TTC27: variants seen among roughly 807,000 people sequenced by gnomAD.
TTC27 encodes tetratricopeptide repeat domain 27, also known as tetratricopeptide repeat protein 27.
Under a neutral mutation model 115.9 loss-of-function variants are expected in TTC27, and 79 were observed. The observed-to-expected ratio is 0.68, with a 90% CI of 0.57 to 0.82. The LOEUF is 0.82. TTC27 is among the 40% of genes least tolerant of loss of function. The pLI is 0.00. For synonymous variants in TTC27, 401 were observed against 356.0 expected, an observed-to-expected ratio of 1.13 and a Z score of -1.42; for missense variants, 1,054 against 993.1, an observed-to-expected ratio of 1.06 and a Z score of -0.82.
intron 16 of TTC27, among the ~76,000 whole-genome samples, chr2:32,806,774 G>T (rs964972580): frequency 1.3e-5 from 2 of 151,198 alleles, no homozygotes; most frequent in Non-Finnish European, 2.9e-5. Flanking sequence ...GCGAGACTTT[G>T]TCTCAAAGAA....
At chr2:32,648,248 C>G (rs1664942047) in intron 4 of TTC27, among the ~76,000 whole-genome samples, 1 of 151,842 alleles carries the variant, frequency 6.6e-6, no homozygotes, top group Admixed American at 6.6e-5. Context: ...CTGCTTCAAC[C>G]TCCCGAGTAG....
intron 10 of TTC27, among the ~76,000 whole-genome samples, chr2:32,729,033 C>T (rs1209402841): frequency 6.6e-6 from 1 of 152,008 alleles, no homozygotes. Context: ...ACAAAGATTG[C>T]ACAGCAAAGC....
chr2:32,631,148 C>T (rs749451749), intron 2 of TTC27, among the ~76,000 whole-genome samples: 2 of 151,996 alleles, frequency 1.3e-5, no homozygotes, highest in Admixed American at 6.6e-5. Context: ...TACAAAAATA[C>T]AAAAATTAGC....
intron 16 of TTC27, among the ~76,000 whole-genome samples, chr2:32,794,468 A>T (rs1358666100): frequency 2.0e-5 from 3 of 152,220 alleles, no homozygotes; most frequent in East Asian, 1.9e-4. Context: ...GAAGAAATTT[A>T]TAACTCTAAA....
At chr2:32,705,240 T>C (rs1396122044) in intron 10 of TTC27, among the ~76,000 whole-genome samples, 2 of 152,136 alleles carry the variant, frequency 1.3e-5, no homozygotes, top group Non-Finnish European at 2.9e-5. Context: ...TTGCTTCCCT[T>C]CCCTTCTGCC....
chr2:32,715,444 G>A (rs983540017), intron 10 of TTC27, among the ~76,000 whole-genome samples: 18 of 152,146 alleles, frequency 1.2e-4, no homozygotes, highest in African/African-American at 4.1e-4. Context: ...TCTGTTTTTT[G>A]TACCAGTACC....
intron 7 of TTC27, among the ~76,000 whole-genome samples, chr2:32,671,989 T>C (rs564935712): frequency 2.6e-5 from 4 of 152,334 alleles, no homozygotes; most frequent in Admixed American, 1.3e-4. Context: ...AAAATGTATA[T>C]AAAATTATCT....
intron 9 of TTC27, among the ~76,000 whole-genome samples, chr2:32,690,665 G>T (rs1266445057): frequency 6.6e-6 from 1 of 152,168 alleles, no homozygotes; most frequent in Non-Finnish European, 1.5e-5. Flanking sequence ...TTTGTTGAGG[G>T]TAATAGTGAG....
At chr2:32,643,339 T>C (rs1405622925) in intron 4 of TTC27, among the ~76,000 whole-genome samples, 1 of 151,940 alleles carries the variant, frequency 6.6e-6, no homozygotes, top group African/African-American at 2.4e-5. Context: ...AGAGTCTCAC[T>C]CTGTTGCCCA....
At chr2:32,692,036 G>GTTTTTTTTTTTTTTT (rs779547700) in intron 9 of TTC27, among the ~76,000 whole-genome samples, 971 of 61,202 alleles carry the variant, frequency 0.016, 198 homozygotes, top group Non-Finnish European at 0.022. Context: ...AATTTTTTAG[G>GTTTTTTTTTTTTTTT]TTTTTTTTTT....
intron 3 of TTC27, among the ~76,000 whole-genome samples, chr2:32,636,834 A>G (rs1450487191): frequency 6.6e-6 from 1 of 152,244 alleles, no homozygotes; most frequent in Non-Finnish European, 1.5e-5. Context: ...ACCTTGAGCT[A>G]GAACCTGAAG....
At chr2:32,749,654 C>A (rs1033784878) in intron 12 of TTC27, among the ~76,000 whole-genome samples, 10 of 152,180 alleles carry the variant, frequency 6.6e-5, no homozygotes, top group African/African-American at 2.2e-4. Flanking sequence ...TTGCTACTGT[C>A]TGCCTGTGGA....
rs150146554 is a variant in TTC27 at position 32,814,675 on chromosome 2, C to T, written c.2308+2060C>T. 1.6e-4 allele frequency among the ~76,000 whole-genome samples: 24 copies of T among 152,284 alleles called. 1 individual carries two copies. The East Asian group carries it at 4.4e-3, about 28-fold the overall frequency. On this transcript the variant is annotated intron_variant, in intron 18 of 19. Coordinates refer to ENST00000317907, the MANE Select transcript of TTC27 (RefSeq NM_017735.5). ...AAACCATATTTTTACTGTACCTTCCCAATGTTTAGATAGACAAATACTTAC... is the reference window on the plus strand; with the variant it reads ...AAACCATATTTTTACTGTACCTTCCTAATGTTTAGATAGACAAATACTTAC...
At position 32,713,164 on chromosome 2, in the gene TTC27, T is replaced by G. The variant is rs1234633105; in HGVS notation, c.1233+10244T>G. ...GATGCTGGCCCTTCCATCTTAGACT[T>G]CCCCGTCTCCAGAACTATAAGAAAT... On this transcript the variant is annotated intron_variant, in intron 10 of 19. Transcript: ENST00000317907. 2.0e-5 allele frequency among the ~76,000 whole-genome samples: 3 copies of G among 152,058 alleles called. No homozygotes were observed. In the South Asian group the frequency reaches 6.2e-4, roughly 32 times the overall value.
intron 10 of TTC27, among the ~76,000 whole-genome samples, chr2:32,709,508 A>G (rs1385682766): frequency 1.3e-5 from 2 of 152,226 alleles, no homozygotes; most frequent in Admixed American, 6.5e-5. Flanking sequence ...TAAACACAAA[A>G]TTCATGTTAC....
intron 9 of TTC27, among the ~76,000 whole-genome samples, chr2:32,693,961 A>G (rs954289385): frequency 3.3e-5 from 5 of 152,256 alleles, no homozygotes; most frequent in South Asian, 2.1e-4. Flanking sequence ...AAAATGAACA[A>G]CAAAACAGCA....
At chr2:32,645,809 CG>C (rs1343350694) in intron 4 of TTC27, among the ~76,000 whole-genome samples, 6 of 149,846 alleles carry the variant, frequency 4.0e-5, no homozygotes, top group Non-Finnish European at 8.9e-5. Flanking sequence ...CTCCGCCTCC[CG>C]GGTTCAAGTG....
chr2:32,802,453 A>T (rs996002680), intron 16 of TTC27, among the ~76,000 whole-genome samples: 2 of 152,108 alleles, frequency 1.3e-5, no homozygotes, highest in Admixed American at 6.5e-5. Context: ...CTCTTTTTGT[A>T]GTCAATCCGT....
In TTC27 at chr2:32,628,050, C is replaced by G; in HGVS notation, c.-243C>G. 2.0e-6 allele frequency: 1 copy of G among 499,654 alleles called. No homozygotes were observed. The highest frequency in any genetic ancestry group is 3.6e-6 in the Non-Finnish European group (1 of 280,316). The allele number at this position is 499,654 out of a possible 1,614,324, so 31.0% of individuals were successfully genotyped here. On this transcript the variant is annotated 5_prime_UTR_variant, in exon 1 of 20. Coordinates refer to ENST00000317907, the MANE Select transcript of TTC27 (RefSeq NM_017735.5). ...CAGGCTCCTTACTCAAGCTCGGGTT[C>G]TTCTCCTAGGCGGAAGCCAGACCAG...
Sources: allele counts gnomAD v4.1 joint callset (sites outside exome capture counted in the v4.1 genomes callset), GRCh38; gene constraint gnomAD v4.1.1; transcripts MANE v1.5; gene names NCBI Gene and HGNC (gene_info 2026-07-23, HGNC 2026-07-21).